CD27: variants seen among roughly 807,000 people sequenced by gnomAD.
CD27 encodes CD27 antigen.
CD27 carries 16 observed loss-of-function variants against 25.9 expected under a neutral mutation model. The observed-to-expected ratio is 0.62, with a 90% CI of 0.42 to 0.94. The LOEUF (loss-of-function observed/expected upper bound fraction) is 0.94. Among genes scored for constraint, CD27 ranks in the 40% least tolerant of loss-of-function variants. The probability of loss-of-function intolerance (pLI) is 0.00; values close to 1 mark genes in which losing one functional copy is unlikely to be tolerated. For missense variants in CD27, 300 were observed against 333.2 expected (o/e 0.90, Z 0.78); for synonymous variants, 142 against 124.3 (o/e 1.14, Z -0.95).
chr12:6,449,331 T>TTTG (rs1949476098), intron 2 of CD27, among the ~76,000 whole-genome samples: 1 of 148,606 alleles, frequency 6.7e-6, no homozygotes, highest in Non-Finnish European at 1.5e-5. Context: ...TTTTTTTTTT[T>TTTG]GAGACGGAGT....
intron 5 of CD27, 45 bp downstream of exon 5, chr12:6,451,059 C>T: frequency 6.2e-7 from 1 of 1,612,378 alleles, no homozygotes; most frequent in Middle Eastern, 1.8e-4. Context: ...CTGCACCACA[C>T]CCCACTGGCT....
In CD27 at chr12:6,445,013, C is replaced by G; in HGVS notation, c.-83C>G. 1 of 1,432,432 alleles carries G rather than the reference C, an allele frequency of 7.0e-7. No individual in the cohort carries two copies. The highest frequency in any genetic ancestry group is 9.2e-7 in the Non-Finnish European group (1 of 1,083,724). The allele number at this position is 1,432,432 out of a possible 1,614,324, so 88.7% of individuals were successfully genotyped here. A position where few individuals can be genotyped will look rare whatever the true frequency, so the allele number is the denominator to read the frequency against. On this transcript the variant is annotated 5_prime_UTR_variant, in exon 1 of 6. Coordinates refer to ENST00000266557, the MANE Select transcript of CD27 (RefSeq NM_001242.5). This position sits in a 1 kb window ranked among gnomAD's most constrained non-coding sequence, Gnocchi z 4.5. ...CTGCCCAGGGGGTGCAAAGAAGAGA[C>G]AGCAGCGCCCAGCTTGGAGGTGCTA...
rs753419238 is a variant in CD27 at position 6,451,367 on chromosome 12, A to G, written c.758A>G (p.Lys253Arg). 20 of 1,613,480 alleles carry G rather than the reference A, an allele frequency of 1.2e-5. No homozygotes were observed. Among genetic ancestry groups the G allele is most frequent in the Non-Finnish European group, 1.7e-5 (20 of 1,179,934 alleles). The part of the protein sequence containing the change: ...STIPIQEDYR[K>R]PEPACSP ...ATCCCCATCCAGGAGGATTACCGAA[A>G]ACCGGAGCCTGCCTGCTCCCCCTGA... Residue 253 changes from lysine (K) to arginine (R), a missense_variant, in exon 6 of 6, where the codon AAA becomes AGA. Physicochemically the swap from Lys to Arg is conservative, Grantham distance 26. Coordinates refer to ENST00000266557, the MANE Select transcript of CD27 (RefSeq NM_001242.5).
chr12:6,451,062 C>T (rs1469808568), intron 5 of CD27, 48 bp downstream of exon 5: 2 of 1,612,072 alleles, frequency 1.2e-6, no homozygotes, highest in Non-Finnish European at 1.7e-6. Context: ...CACCACACCC[C>T]ACTGGCTCAA....
Position 6,445,241 on chromosome 12 carries a change from G to T in CD27, c.136+10G>T. On this transcript the variant is annotated intron_variant, in intron 1 of 5. Coordinates refer to ENST00000266557, the MANE Select transcript of CD27 (RefSeq NM_001242.5). This position sits in a 1 kb window ranked among gnomAD's most constrained non-coding sequence, Gnocchi z 4.5. ...CAGATGTGTGAGCCAGGTAAGAGGGGGCCTTGGTAAGGGCCAGGTGAGTGG... is the reference window on the plus strand; with the variant it reads ...CAGATGTGTGAGCCAGGTAAGAGGGTGCCTTGGTAAGGGCCAGGTGAGTGG... 6.2e-7 allele frequency: 1 copy of T among 1,613,958 alleles called. No individual in the cohort carries two copies. The highest frequency in any genetic ancestry group is 8.5e-7 in the Non-Finnish European group (1 of 1,179,970).
Position 6,445,616 on chromosome 12 carries a change from G to A in CD27, c.268+61G>A, listed in dbSNP as rs1655333684. On this transcript the variant is annotated intron_variant, in intron 2 of 5. Transcript: ENST00000266557. The surrounding 1 kb of genome is among the most constrained non-coding windows in gnomAD (Gnocchi z 4.5). Reference sequence around the variant, plus strand: ...GACAAGCATCTGGGGGAGCAAGGCTGGTGACGGGTTTGGGGGTGCAAGGAG... The same window carrying A: ...GACAAGCATCTGGGGGAGCAAGGCTAGTGACGGGTTTGGGGGTGCAAGGAG... 1.3e-6 allele frequency: 2 copies of A among 1,582,466 alleles called. No individual in the cohort carries two copies. The highest frequency in any genetic ancestry group is 1.7e-6 in the Non-Finnish European group (2 of 1,166,490).
At chr12:6,444,662 G>A (rs1214063602), upstream of CD27, among the ~76,000 whole-genome samples, 1 of 89,820 alleles carries the variant, frequency 1.1e-5, no homozygotes, top group East Asian at 3.9e-4. Context: ...CGGGGGGGTG[G>A]GTGGGGGGGG....
upstream of CD27, chr12:6,444,891 G>A: frequency 1.8e-6 from 1 of 554,358 alleles, no homozygotes; most frequent in Non-Finnish European, 3.1e-6. Flanking sequence ...CACACGGAAG[G>A]GGAAGGGGGT....
rs1378651116 is a variant in CD27, at chr12:6,450,290, C to T, written c.386C>T (p.Thr129Ile). The T allele has an allele frequency of 6.2e-7, 1 of 1,613,812 alleles. No homozygotes were observed. Among genetic ancestry groups the T allele is most frequent in the Non-Finnish European group, 8.5e-7 (1 of 1,180,014 alleles). ...ECDPLPNPSL[T>I]ARSSQALSPH... ...GATCCTCTTCCAAACCCTTCGCTGA[C>T]CGCTCGGTCGTCTCAGGCCCTGAGC... Residue 129 changes from threonine to isoleucine, a missense_variant, in exon 3 of 6, where the codon ACC (threonine) becomes ATC (isoleucine). Coordinates refer to ENST00000266557, the MANE Select transcript of CD27 (RefSeq NM_001242.5). This position sits in a 1 kb window ranked among gnomAD's most constrained non-coding sequence, Gnocchi z 4.1.
Position 6,451,407 on chromosome 12 carries a change from G to A in CD27, c.*15G>A, listed in dbSNP as rs1059501. 9.3e-6 allele frequency: 15 copies of A among 1,609,992 alleles called. No homozygotes were observed. Among genetic ancestry groups the A allele is most frequent in the Non-Finnish European group, 1.3e-5 (15 of 1,178,708 alleles). On this transcript the variant is annotated 3_prime_UTR_variant, in exon 6 of 6. Coordinates refer to ENST00000266557, the MANE Select transcript of CD27 (RefSeq NM_001242.5). ...GCTCCCCCTGAGCCAGCACCTGCGGGAGCTGCACTACAGCCCTGGCCTCCA... is the reference window on the plus strand; with the variant it reads ...GCTCCCCCTGAGCCAGCACCTGCGGAAGCTGCACTACAGCCCTGGCCTCCA...
At chr12:6,446,749 G>C (rs1949421264) in intron 2 of CD27, among the ~76,000 whole-genome samples, 1 of 150,730 alleles carries the variant, frequency 6.6e-6, no homozygotes, top group African/African-American at 2.5e-5. Context: ...CTGCACTCCA[G>C]CCTGGGTAAC....
chr12:6,449,529 GTA>G (rs1013710421), intron 2 of CD27, among the ~76,000 whole-genome samples: 9 of 151,884 alleles, frequency 5.9e-5, no homozygotes, highest in African/African-American at 2.2e-4. Context: ...CTCTCTGTAC[GTA>G]TATTATACTT....
At chr12:6,448,420 G>A (rs924763332) in intron 2 of CD27, among the ~76,000 whole-genome samples, 10 of 151,690 alleles carry the variant, frequency 6.6e-5, no homozygotes, top group African/African-American at 1.5e-4. Context: ...TACCACACCC[G>A]CCCCCAGGAT....
Position 6,450,785 on chromosome 12 carries a change from G to C in CD27, c.539-110G>C. On this transcript the variant is annotated intron_variant, in intron 4 of 5. Transcript: ENST00000266557. This position sits in a 1 kb window ranked among gnomAD's most constrained non-coding sequence, Gnocchi z 4.1. ...AGGAGTTGGCCAACGGTGGCGGGTGGGATAGAATAAGGTGGGGGAAAGGGG... is the reference window on the plus strand; with the variant it reads ...AGGAGTTGGCCAACGGTGGCGGGTGCGATAGAATAAGGTGGGGGAAAGGGG... 1.3e-6 allele frequency: 2 copies of C among 1,515,854 alleles called. No individual in the cohort carries two copies. Among genetic ancestry groups the C allele is most frequent in the Non-Finnish European group, 1.8e-6 (2 of 1,103,286 alleles). The allele number at this position is 1,515,854 out of a possible 1,614,324, so 93.9% of individuals were successfully genotyped here.
At chr12:6,446,322 G>A (rs1331918893) in intron 2 of CD27, among the ~76,000 whole-genome samples, 1 of 152,186 alleles carries the variant, frequency 6.6e-6, no homozygotes, top group East Asian at 1.9e-4. Context: ...TTAGTTTAGA[G>A]ACAAGGTCTA....
At position 6,446,799 on chromosome 12, in the gene CD27, CAA is replaced by C. The variant is rs1555123051; in HGVS notation, c.268+1248_268+1249del. ...TTTCACACACACACACACACACACACAAAAAGCCAGAGCAGTGGCTCACACTT... is the reference window on the plus strand; with the variant it reads ...TTTCACACACACACACACACACACACAAAGCCAGAGCAGTGGCTCACACTT... On this transcript the variant is annotated intron_variant, in intron 2 of 5. Transcript: ENST00000266557. 5.3e-5 allele frequency among the ~76,000 whole-genome samples: 8 copies of C among 150,348 alleles called. No individual in the cohort carries two copies. The East Asian group carries it at 5.9e-4, about 11-fold the overall frequency.
In CD27 at chr12:6,450,385, T is replaced by C; in HGVS notation, c.448+33T>C. 6.3e-7 allele frequency: 1 copy of C among 1,599,280 alleles called. No individual in the cohort carries two copies. Among genetic ancestry groups the C allele is most frequent in the Non-Finnish European group, 8.5e-7 (1 of 1,173,200 alleles). Reference sequence around the variant, plus strand: ...CCAGGCAACTCTCTGTGCCATCACGTGGGGTAGCGGTGATACCCCAACCAG... The same window carrying C: ...CCAGGCAACTCTCTGTGCCATCACGCGGGGTAGCGGTGATACCCCAACCAG... On this transcript the variant is annotated intron_variant, in intron 3 of 5. Transcript: ENST00000266557. This position sits in a 1 kb window ranked among gnomAD's most constrained non-coding sequence, Gnocchi z 4.1.
chr12:6,448,569 T>TC (rs1300063406), intron 2 of CD27: 2 of 152,154 alleles, frequency 1.3e-5, no homozygotes, highest in Admixed American at 6.5e-5. Flanking sequence ...ATTGAGACCA[T>TC]CCTGGCTAAC....
intron 5 of CD27, 68 bp downstream of exon 5, chr12:6,451,082 C>T: frequency 6.2e-7 from 1 of 1,605,222 alleles, no homozygotes; most frequent in Non-Finnish European, 8.5e-7. Context: ...ACCCCACTGC[C>T]CACGCCTGGA....
Sources: allele counts gnomAD v4.1 joint callset (sites outside exome capture counted in the v4.1 genomes callset), GRCh38; gene constraint gnomAD v4.1.1; non-coding constraint Gnocchi (gnomAD v3.1); transcripts MANE v1.5; gene names NCBI Gene and HGNC (gene_info 2026-07-23, HGNC 2026-07-21).